Variants in DLG2 observed in about 807,000 individuals in gnomAD.
DLG2 encodes the protein disks large homolog 2.
In DLG2, 45 loss-of-function variants were observed where a neutral mutation model predicts 132.5. The ratio of observed to expected loss-of-function variants is 0.34; its 90% CI spans 0.27 to 0.44. The LOEUF (loss-of-function observed/expected upper bound fraction) is 0.44. DLG2 is among the 20% of genes least tolerant of loss of function. The pLI is 1.00. For missense variants in DLG2, 1,045 were observed against 1,196.9 expected (o/e 0.87, Z 1.87); for synonymous variants, 424 against 419.6 (o/e 1.01, Z -0.13).
At chr11:84,533,400 C>T (rs763741559) in intron 7 of DLG2, among the ~76,000 whole-genome samples, 10 of 152,164 alleles carry the variant, frequency 6.6e-5, no homozygotes, top group Non-Finnish European at 1.0e-4. Context: ...AAAGAAATTG[C>T]GGAGATTTGC....
chr11:85,339,514 C>T (rs1358828924), intron 3 of DLG2, among the ~76,000 whole-genome samples: 1 of 152,042 alleles, frequency 6.6e-6, no homozygotes, highest in Non-Finnish European at 1.5e-5. Context: ...CACAGCCTTG[C>T]AAATAGAATG....
At chr11:84,673,092 C>A (rs2099707677) in intron 6 of DLG2, among the ~76,000 whole-genome samples, 1 of 152,064 alleles carries the variant, frequency 6.6e-6, no homozygotes, top group South Asian at 2.1e-4. Context: ...TCACCTCCCA[C>A]CAGGCCCCAC....
At chr11:83,736,829 T>C (rs780514926) in intron 18 of DLG2, among the ~76,000 whole-genome samples, 2 of 152,122 alleles carry the variant, frequency 1.3e-5, no homozygotes, top group Non-Finnish European at 2.9e-5. Flanking sequence ...TGAATCAGAG[T>C]GCAGCAAAGT....
intron 8 of DLG2, among the ~76,000 whole-genome samples, chr11:84,174,739 G>A (rs4944468): frequency 0.76 from 115,708 of 151,986 alleles, 44,380 homozygotes; most frequent in Middle Eastern, 0.86. Flanking sequence ...CTTGTCCATC[G>A]AATCAAAAAT....
intron 11 of DLG2, among the ~76,000 whole-genome samples, chr11:84,047,235 T>C (rs1275956381): frequency 6.6e-6 from 1 of 151,684 alleles, no homozygotes; most frequent in Admixed American, 6.6e-5. Context: ...CCAGACCTAA[T>C]ATGTTTTTGA....
chr11:85,500,840 T>G (rs1169240932), intron 3 of DLG2, among the ~76,000 whole-genome samples: 2 of 152,270 alleles, frequency 1.3e-5, no homozygotes, highest in East Asian at 3.8e-4. Flanking sequence ...ATGGCATTAC[T>G]GCCCAAAGTA....
chr11:83,747,331 C>T (rs1010720531), intron 18 of DLG2, among the ~76,000 whole-genome samples: 1 of 86,644 alleles, frequency 1.2e-5, no homozygotes, highest in South Asian at 3.2e-4. Flanking sequence ...TTCCTTCCTG[C>T]CTTCCTTCCT....
rs563067336 is a variant in DLG2, at chr11:85,097,307, C to A, written c.357+14354G>T. On this transcript the variant is annotated intron_variant, in intron 6 of 27. Transcript: ENST00000376104. ...ACATAATTTTTGCCCAAAGCCCCGT[C>A]AGGCAGGGGACTATCTGGAATTTTA... 5.9e-5 allele frequency among the ~76,000 whole-genome samples: 9 copies of A among 152,306 alleles called. No individual in the cohort carries two copies. In the South Asian group the frequency reaches 1.9e-3, roughly 32 times the overall value.
chr11:83,557,503 C>A (rs2096540614), intron 19 of DLG2, among the ~76,000 whole-genome samples: 1 of 152,186 alleles, frequency 6.6e-6, no homozygotes, highest in South Asian at 2.1e-4. Context: ...GGATATTTGA[C>A]ACAAACTGCA....
At position 85,541,003 on chromosome 11, in the gene DLG2, C is replaced by T. The variant is rs542921813; in HGVS notation, c.40+57654G>A. 2.0e-5 allele frequency among the ~76,000 whole-genome samples: 3 copies of T among 152,380 alleles called. No homozygotes were observed. In the East Asian group the frequency reaches 5.8e-4, roughly 29 times the overall value. ...CAATTCTCTTTTGTTCCCTGGAACA[C>T]TTCCCAGGATAACTTGGAAGTGTTT... On this transcript the variant is annotated intron_variant, in intron 3 of 27. Coordinates refer to ENST00000376104, the MANE Select transcript of DLG2 (RefSeq NM_001142699.3).
chr11:85,433,733 C>A (rs1396690602), intron 3 of DLG2, among the ~76,000 whole-genome samples: 1 of 152,092 alleles, frequency 6.6e-6, no homozygotes, highest in Non-Finnish European at 1.5e-5. Flanking sequence ...ACTTTAACAC[C>A]CAGCTATCAA....
intron 18 of DLG2, among the ~76,000 whole-genome samples, chr11:83,782,466 A>G (rs1319041905): frequency 6.6e-6 from 1 of 152,212 alleles, no homozygotes; most frequent in East Asian, 1.9e-4. Flanking sequence ...TAATGGGCAC[A>G]CCAGGTGTTT....
intron 9 of DLG2, among the ~76,000 whole-genome samples, chr11:84,115,948 A>T (rs2093614363): frequency 6.6e-6 from 1 of 152,226 alleles, no homozygotes; most frequent in South Asian, 2.1e-4. Context: ...CATAATAAAC[A>T]TTCAATAAAT....
At chr11:84,309,841 A>T (rs958295986) in intron 7 of DLG2, among the ~76,000 whole-genome samples, 2 of 152,246 alleles carry the variant, frequency 1.3e-5, no homozygotes, top group Non-Finnish European at 2.9e-5. Flanking sequence ...GTCTCTCTGC[A>T]CTTTTATTTT....
chr11:84,711,538 C>T (rs371647843), intron 6 of DLG2, among the ~76,000 whole-genome samples: 6 of 151,578 alleles, frequency 4.0e-5, no homozygotes, highest in African/African-American at 1.5e-4. Context: ...GTCTAAAGGC[C>T]TGAGAACTGA....
intron 8 of DLG2, among the ~76,000 whole-genome samples, chr11:84,228,357 T>C (rs932185976): frequency 1.3e-5 from 2 of 152,222 alleles, no homozygotes; most frequent in African/African-American, 2.4e-5. Flanking sequence ...TTGGATCTCA[T>C]TGGCACTTAT....
intron 11 of DLG2, among the ~76,000 whole-genome samples, chr11:83,999,671 A>G (rs1359318755): frequency 6.6e-6 from 1 of 152,132 alleles, no homozygotes; most frequent in East Asian, 1.9e-4. Flanking sequence ...ACTGCTTGGC[A>G]TCCCACTCCC....
intron 19 of DLG2, among the ~76,000 whole-genome samples, chr11:83,617,041 TGTAA>T (rs1441836967): frequency 2.0e-5 from 3 of 152,214 alleles, no homozygotes; most frequent in African/African-American, 7.2e-5. Flanking sequence ...CCTGTAATTA[TGTAA>T]CCTCATAATA....
At chr11:85,015,232 C>G (rs916902362) in intron 6 of DLG2, among the ~76,000 whole-genome samples, 2 of 152,098 alleles carry the variant, frequency 1.3e-5, no homozygotes, top group Non-Finnish European at 2.9e-5. Context: ...TAATCATATG[C>G]TGCACATACA....
Sources: gnomAD v4.1 joint callset for allele counts (sites outside exome capture counted in the v4.1 genomes callset) on GRCh38, gnomAD v4.1.1 for gene constraint, MANE v1.5 for transcripts, NCBI Gene and HGNC (gene_info 2026-07-23, HGNC 2026-07-21) for gene names.